Variants in DPH6 observed in about 807,000 individuals in gnomAD.
DPH6 encodes diphthine--ammonia ligase.
A neutral mutation model predicts 38.2 loss-of-function variants in DPH6; 33 were observed. The ratio of observed to expected loss-of-function variants is 0.86; its 90% confidence interval spans 0.65 to 1.15. The LOEUF (loss-of-function observed/expected upper bound fraction) is 1.15, where lower values mean the gene tolerates loss of function less well. DPH6 is among the 50% of genes most tolerant of loss of function. The probability of loss-of-function intolerance (pLI) is 0.00; values close to 1 mark genes in which losing one functional copy is unlikely to be tolerated. For missense variants in DPH6, 325 were observed against 320.0 expected, an observed-to-expected ratio of 1.02 and a Z score of -0.12; for synonymous variants, 108 against 103.0, an observed-to-expected ratio of 1.05 and a Z score of -0.30.
rs367736308 is a variant in DPH6 at position 35,224,808 on chromosome 15, T to A, written n.201-4226A>T. 1.4e-4 allele frequency among the ~76,000 whole-genome samples: 22 copies of A among 152,330 alleles called. 4 individuals carry two copies. The highest frequency in any genetic ancestry group is 5.8e-4 in the East Asian group (3 of 5,182). On this transcript the variant is annotated intron_variant and non_coding_transcript_variant, in intron 3 of 3. Transcript: ENST00000560386. Reference sequence around the variant, plus strand: ...TTAATAGATTTTTAAGGACACTTTGTACTTTGAAGTAAATTTATATTTACA... The same window carrying A: ...TTAATAGATTTTTAAGGACACTTTGAACTTTGAAGTAAATTTATATTTACA...
chr15:35,447,147 G>A (rs978422895), intron 5 of DPH6, among the ~76,000 whole-genome samples: 2 of 152,038 alleles, frequency 1.3e-5, no homozygotes, highest in Admixed American at 6.6e-5. Context: ...GGGATTACAG[G>A]CCATAGGTGG....
chr15:35,262,483 G>A (rs1166685160), intron 3 of DPH6, among the ~76,000 whole-genome samples: 1 of 152,028 alleles, frequency 6.6e-6, no homozygotes, highest in East Asian at 1.9e-4. Context: ...GAGGCAGGGG[G>A]ATCACCAGGT....
At chr15:35,520,889 ACAGTATACAACT>A (rs1191872283) in intron 3 of DPH6, 29 of 985,134 alleles carry the variant, frequency 2.9e-5, no homozygotes, top group Admixed American at 6.2e-5. Flanking sequence ...CCCTGGAAAA[ACAGTATACAACT>A]CATTTTGTCA....
At chr15:35,267,053 G>A (rs145094814) in intron 3 of DPH6, among the ~76,000 whole-genome samples, 98 of 152,192 alleles carry the variant, frequency 6.4e-4, no homozygotes, top group African/African-American at 2.3e-3. Flanking sequence ...GTCTTGAAAG[G>A]ATACAAGGAT....
chr15:35,238,166 T>C (rs2051569354), intron 3 of DPH6: 2 of 821,796 alleles, frequency 2.4e-6, no homozygotes, highest in Non-Finnish European at 1.9e-6. Context: ...TTTTTTTTTC[T>C]GATTGTAACG....
intron 7 of DPH6, among the ~76,000 whole-genome samples, chr15:35,374,659 GA>G (rs1011619430): frequency 6.6e-6 from 1 of 151,872 alleles, no homozygotes; most frequent in Non-Finnish European, 1.5e-5. Flanking sequence ...CTAATGCTTA[GA>G]AAAAATAACA....
At chr15:35,441,000 TGAACAGACACTTCTCAAAA>T (rs1439277457) in intron 5 of DPH6, among the ~76,000 whole-genome samples, 1 of 152,130 alleles carries the variant, frequency 6.6e-6, no homozygotes, top group Non-Finnish European at 1.5e-5. Flanking sequence ...GTGAAGGATA[TGAACAGACACTTCTCAAAA>T]GAAGACATTT....
chr15:35,195,775 C>T, the DPH6 span, among the ~76,000 whole-genome samples: 6 of 152,164 alleles, frequency 3.9e-5, no homozygotes, highest in African/African-American at 1.4e-4. Context: ...CCCTGCTCTG[C>T]TCTGACTGGT....
chr15:35,488,631 T>A (rs994589448), intron 3 of DPH6, among the ~76,000 whole-genome samples: 1 of 152,060 alleles, frequency 6.6e-6, no homozygotes, highest in Non-Finnish European at 1.5e-5. Flanking sequence ...CTCTGACACA[T>A]GGGGATTACA....
intron 3 of DPH6, chr15:35,522,236 T>A: frequency 6.2e-7 from 1 of 1,613,258 alleles, no homozygotes; most frequent in Non-Finnish European, 8.5e-7. Context: ...TCTTGGAGAT[T>A]CAGAGCATCA....
rs1419692413 is a variant in DPH6, at chr15:35,371,485, C to G, written c.*665G>C. The G allele has an allele frequency of 1.3e-6, 1 of 746,260 alleles. No homozygotes were observed. The highest frequency in any genetic ancestry group is 1.6e-6 in the Non-Finnish European group (1 of 612,320). 46.2% of individuals were successfully genotyped at this position (746,260 alleles called of 1,614,324 possible). A position where few individuals can be genotyped will look rare whatever the true frequency, so the allele number is the denominator to read the frequency against. ...GGTATATGGGAAATCTCTGCATTTT[C>G]TGCTCCATTTTTGCTGTGAACCTAA... is the stretch of plus-strand genomic sequence containing the variant. On this transcript the variant is annotated 3_prime_UTR_variant, in exon 9 of 9. Transcript: ENST00000256538.
At chr15:35,451,087 G>A (rs557245736) in intron 4 of DPH6, among the ~76,000 whole-genome samples, 3 of 152,004 alleles carry the variant, frequency 2.0e-5, no homozygotes, top group Non-Finnish European at 4.4e-5. Context: ...ATTTACAAAT[G>A]CCAGTATACT....
intron 3 of DPH6, among the ~76,000 whole-genome samples, chr15:35,335,185 G>C (rs1004997384): frequency 1.3e-4 from 20 of 151,974 alleles, no homozygotes; most frequent in Non-Finnish European, 1.5e-5. Flanking sequence ...ATGTTTGTTG[G>C]CTGCATGTAT....
the DPH6 span, among the ~76,000 whole-genome samples, chr15:35,206,808 T>A: frequency 0.014 from 2,195 of 152,262 alleles, 51 homozygotes; most frequent in African/African-American, 0.05. Flanking sequence ...GTAATATTAT[T>A]ATACAATAAA....
chr15:35,450,425 T>A (rs1441818302), intron 5 of DPH6, among the ~76,000 whole-genome samples: 2 of 136,922 alleles, frequency 1.5e-5, no homozygotes, highest in African/African-American at 2.8e-5. Context: ...AGGACTATAA[T>A]ACAATATCAG....
At chr15:35,474,347 T>C (rs1324197856) in intron 3 of DPH6, among the ~76,000 whole-genome samples, 2 of 152,122 alleles carry the variant, frequency 1.3e-5, no homozygotes, top group African/African-American at 2.4e-5. Context: ...AGCAAAATAC[T>C]GCCACATAAA....
intron 3 of DPH6, chr15:35,283,057 C>CTTCCT (rs1595460177): frequency 2.3e-5 from 4 of 172,566 alleles, no homozygotes; most frequent in African/African-American, 9.9e-5. Context: ...CCTTCTTCTT[C>CTTCCT]CTTCTTCTTC....
chr15:35,235,270 C>G (rs1052185799), intron 3 of DPH6, among the ~76,000 whole-genome samples: 3 of 152,172 alleles, frequency 2.0e-5, no homozygotes, highest in African/African-American at 7.2e-5. Context: ...TTGGTTTGGA[C>G]AACCTTGTGG....
rs2054740423 is a variant in DPH6 at position 35,509,601 on chromosome 15, AC to A, written c.312+28672del. The stretch of plus-strand genomic sequence containing the variant: ...ACATAAGCTTTTTAAATGTAGGCTG[AC>A]TAAAGAAAGGGCAATCTGTATTTAT... On this transcript the variant is annotated intron_variant, in intron 3 of 8. Transcript: ENST00000256538. Among the ~76,000 whole-genome samples, 3 of 152,222 alleles carry A rather than the reference AC, an allele frequency of 2.0e-5. No homozygotes were observed. In the South Asian group the frequency reaches 6.2e-4, roughly 32 times the overall value.
Sources: gnomAD v4.1 joint callset for allele counts (sites outside exome capture counted in the v4.1 genomes callset) on GRCh38, gnomAD v4.1.1 for gene constraint, MANE v1.5 for transcripts, NCBI Gene and HGNC (gene_info 2026-07-23, HGNC 2026-07-21) for gene names.